The following CLCN7 variants were observed in gnomAD, a reference collection of about 807,000 sequenced individuals.
The protein encoded by CLCN7 is Cl-/H+ antiporter 7.
In CLCN7, 60 loss-of-function variants were observed where a neutral mutation model predicts 102.1. The observed-to-expected ratio is 0.59, with a 90% CI of 0.48 to 0.73. CLCN7 has a LOEUF of 0.73. CLCN7 is among the 30% of genes least tolerant of loss of function. CLCN7 has a pLI of 0.00. For missense variants in CLCN7, 962 were observed against 1,125.7 expected, an observed-to-expected ratio of 0.85 and a Z score of 2.08; for synonymous variants, 560 against 490.5, an observed-to-expected ratio of 1.14 and a Z score of -1.87.
At chr16:1,460,727 G>C in intron 5 of CLCN7, 89 bp downstream of exon 5, 1 of 1,598,002 alleles carries the variant, frequency 6.3e-7, no homozygotes, top group Non-Finnish European at 8.6e-7. Context: ...CACCTGCACT[G>C]GAACACGCTG....
chr16:1,465,220 A>AGCAG, intron 2 of CLCN7, 47 bp downstream of exon 2: 1 of 1,569,956 alleles, frequency 6.4e-7, no homozygotes, highest in Non-Finnish European at 8.8e-7. Context: ...ACCCTCTGCT[A>AGCAG]AGATGCAGCT....
At position 1,446,675 on chromosome 16, in the gene CLCN7, G is replaced by C; in HGVS notation, c.2374C>G (p.Leu792Val). The part of the protein sequence containing the change: ...VTRKDLARYR[L>V]GKRGLEELSL... ...AGCTCCTCCAAGCCTCTCTTTCCCA[G>C]GCGGTACCTGGCGAGGTCCTTCCTG... Residue 792 changes from leucine (L) to valine (V), a missense_variant, in exon 25 of 25, where the codon CTG (leucine) becomes GTG (valine). Physicochemically the swap from Leu to Val is conservative, Grantham distance 32. This residue lies in a region of CLCN7 where 799 missense variants were observed against 988.0 expected (regional missense o/e 0.81). Transcript: ENST00000382745. 1 of 1,587,702 alleles carries C rather than the reference G, an allele frequency of 6.3e-7. No individual in the cohort carries two copies. Among genetic ancestry groups the C allele is most frequent in the South Asian group, 1.1e-5 (1 of 87,538 alleles).
In CLCN7 at chr16:1,450,672, A is replaced by C. The variant is rs774597069; in HGVS notation, c.1448-6T>G. ...GGTCAGGGGGTTGTAGGAGCCTAGG[A>C]GAGAAGAGGGGCTGACGGGGCCTCC... On this transcript the variant is annotated splice_region_variant and splice_polypyrimidine_tract_variant and intron_variant, in intron 16 of 24. Coordinates refer to ENST00000382745, the MANE Select transcript of CLCN7 (RefSeq NM_001287.6). The C allele has an allele frequency of 7.5e-6, 12 of 1,604,068 alleles. No individual in the cohort carries two copies. Among genetic ancestry groups the C allele is most frequent in the Non-Finnish European group, 1.0e-5 (12 of 1,174,928 alleles).
At position 1,461,017 on chromosome 16, in the gene CLCN7, G is replaced by A. The variant is rs970376905; in HGVS notation, c.352-69C>T. The A allele has an allele frequency of 4.3e-5, 67 of 1,574,148 alleles. No individual in the cohort carries two copies. In the Admixed American group the frequency reaches 8.2e-4, roughly 19 times the overall value. ...CAGTCACTCTGGCAGCAGCAGGACC[G>A]CCCAGACCGCCTGCAGGCCCCGGGA... On this transcript the variant is annotated intron_variant, in intron 4 of 24. Transcript: ENST00000382745.
intron 7 of CLCN7, among the ~76,000 whole-genome samples, chr16:1,458,491 G>A (rs1460933060): frequency 6.6e-6 from 1 of 152,232 alleles, no homozygotes; most frequent in East Asian, 1.9e-4. Context: ...GGCACCCCAA[G>A]GTCACCTGGG....
intron 21 of CLCN7, 192 bp downstream of exon 21, chr16:1,448,160 GGCC>G: frequency 1.3e-6 from 1 of 769,388 alleles, no homozygotes; most frequent in Non-Finnish European, 2.1e-6. Context: ...GACCCTGCCA[GGCC>G]GCAGCCCCCC....
intron 16 of CLCN7, 47 bp from the exon 17 acceptor site, chr16:1,450,713 G>GC (rs2038734630): frequency 6.8e-7 from 1 of 1,477,322 alleles, no homozygotes; most frequent in Non-Finnish European, 9.2e-7. Context: ...TCCCGCCTCC[G>GC]CAGGACTGCC....
intron 17 of CLCN7, chr16:1,449,708 A>ATGCTG: frequency 2.0e-5 from 7 of 356,356 alleles, no homozygotes; most frequent in African/African-American, 4.1e-5. Flanking sequence ...GAGGCTGCAG[A>ATGCTG]AAGCGGGGCA....
At chr16:1,447,310 G>A in intron 23 of CLCN7, 82 bp downstream of exon 23, 2 of 1,392,264 alleles carry the variant, frequency 1.4e-6, no homozygotes, top group Non-Finnish European at 1.9e-6. Context: ...GCCCCCCCCG[G>A]CTGCCCCTCC....
At chr16:1,470,510 CA>C (rs1219560130) in intron 1 of CLCN7, among the ~76,000 whole-genome samples, 1 of 152,012 alleles carries the variant, frequency 6.6e-6, no homozygotes. Context: ...AGGTGACACA[CA>C]AAGGCCACAG....
At position 1,454,308 on chromosome 16, in the gene CLCN7, G is replaced by A. The variant is rs997670430; in HGVS notation, c.1153+103C>T. ...GCCCCCGGGTGGCCCTGGGATGAGG[G>A]CAGGCTCCAGGGAGCCACAGCCTCC... On this transcript the variant is annotated intron_variant, in intron 13 of 24. Transcript: ENST00000382745. 7.3e-6 allele frequency: 9 copies of A among 1,233,150 alleles called. No homozygotes were observed. In the African/African-American group the frequency reaches 1.3e-4, roughly 18 times the overall value. 76.4% of individuals were successfully genotyped at this position (1,233,150 alleles called of 1,614,324 possible). A position where few individuals can be genotyped will look rare whatever the true frequency, so the allele number is the denominator to read the frequency against.
intron 1 of CLCN7, among the ~76,000 whole-genome samples, chr16:1,473,577 A>G (rs1238280897): frequency 3.3e-5 from 5 of 149,984 alleles, no homozygotes; most frequent in Non-Finnish European, 4.5e-5. Flanking sequence ...GTTTCACCAT[A>G]TTAGCCAGGA....
chr16:1,463,049 G>A (rs757882486), intron 2 of CLCN7, among the ~76,000 whole-genome samples: 14 of 152,040 alleles, frequency 9.2e-5, no homozygotes, highest in Non-Finnish European at 1.5e-5. Flanking sequence ...CTACTTGGGA[G>A]ACAGACAGGA....
intron 1 of CLCN7, chr16:1,474,510 T>G (rs2039123980): frequency 9.3e-6 from 3 of 321,052 alleles, no homozygotes; most frequent in African/African-American, 2.2e-5. Flanking sequence ...AGGGCCAGTC[T>G]GGGGGACACC....
At position 1,447,013 on chromosome 16, in the gene CLCN7, C is replaced by A. The variant is rs534953229; in HGVS notation, c.2324G>T (p.Arg775Leu). The A allele has an allele frequency of 1.9e-6, 3 of 1,595,318 alleles. No homozygotes were observed. Among genetic ancestry groups the A allele is most frequent in the Non-Finnish European group, 2.6e-6 (3 of 1,174,892 alleles). ...GLRHLVVVDN[R>L]NQVVGLVTRK... ...CCCACCGCCCCCGCTCACCTGATTG[C>A]GGTTGTCCACCACCACCAGGTGCCG... The change falls in exon 24 of 25, where the codon CGC becomes CTC. Residue 775 changes from arginine (R) to leucine (L), a missense_variant. Transcript: ENST00000382745.
At chr16:1,455,320 G>A in intron 11 of CLCN7, 70 bp from the exon 12 acceptor site, 1 of 994,542 alleles carries the variant, frequency 1.0e-6, no homozygotes, top group Non-Finnish European at 1.6e-6. Context: ...GGACCAGCAG[G>A]GACCATCGCC....
At chr16:1,468,523 T>A (rs1428574553) in intron 1 of CLCN7, among the ~76,000 whole-genome samples, 1 of 152,158 alleles carries the variant, frequency 6.6e-6, no homozygotes, top group Non-Finnish European at 1.5e-5. Context: ...CAAGCTCTTA[T>A]AAATTAAACA....
chr16:1,452,789 G>A lies in CLCN7; in HGVS notation c.1319C>T (p.Pro440Leu). 6.2e-7 allele frequency: 1 copy of A among 1,605,870 alleles called. No individual in the cohort carries two copies. The highest frequency in any genetic ancestry group is 8.5e-7 in the Non-Finnish European group (1 of 1,176,802). Residue 440 changes from proline to leucine, a missense_variant, in exon 15 of 25, where the codon CCC becomes CTC. By Grantham distance (98) the Pro-to-Leu change is moderately conservative. Coordinates refer to ENST00000382745, the MANE Select transcript of CLCN7 (RefSeq NM_001287.6). ...VLIYSSRDCQ[P>L]LQGGSMSYPL... ...GTAGGACATGGAGCCCCCCTGCAGG[G>A]GCTGGCAATCCCGCGACGAGTAGAT... is the stretch of plus-strand genomic sequence containing the variant.
rs1312000540 is a variant in CLCN7, at chr16:1,448,693, G to A, written c.1871C>T (p.Ser624Leu). 6.2e-7 allele frequency: 1 copy of A among 1,612,638 alleles called. No individual in the cohort carries two copies. Among genetic ancestry groups the A allele is most frequent in the East Asian group, 2.2e-5 (1 of 44,878 alleles). The change falls in exon 20 of 25, where the codon TCA becomes TTA. Residue 624 changes from serine to leucine, a missense_variant. Physicochemically the swap from Ser to Leu is moderately radical, Grantham distance 145 (BLOSUM62 -2). This residue lies in a region of CLCN7 where 799 missense variants were observed against 988.0 expected (regional missense o/e 0.81). Transcript: ENST00000382745. ...CTGGGCGCTGTACCTGGCAGTGAGT[G>A]AGTGTGAGGTGACCGGGGCCTCCCA... ...LHWEAPVTSH[S>L]LTAREVMSTP...
Sources: allele counts gnomAD v4.1 joint callset (sites outside exome capture counted in the v4.1 genomes callset), GRCh38; gene constraint gnomAD v4.1.1; regional missense constraint gnomAD v4.1.1; transcripts MANE v1.5; gene names NCBI Gene and HGNC (gene_info 2026-07-23, HGNC 2026-07-21).